Variants in FGGY observed in about 807,000 individuals in gnomAD.
FGGY encodes the protein FGGY carbohydrate kinase domain containing.
Under a neutral mutation model 71.3 loss-of-function variants are expected in FGGY, and 72 were observed. That is an observed-to-expected ratio of 1.01 (90% confidence interval 0.84 to 1.23). FGGY has a LOEUF of 1.23. Among genes scored for constraint, FGGY ranks in the 50% most tolerant of loss-of-function variants. The pLI is 0.00. For synonymous variants in FGGY, 251 were observed against 250.3 expected, an observed-to-expected ratio of 1.00 and a Z score of -0.02; for missense variants, 668 against 682.3, an observed-to-expected ratio of 0.98 and a Z score of 0.23.
At chr1:59,432,876 G>C (rs920766292) in intron 5 of FGGY, among the ~76,000 whole-genome samples, 8 of 152,136 alleles carry the variant, frequency 5.3e-5, no homozygotes, top group Non-Finnish European at 1.2e-4. Context: ...ATAAGTAAAC[G>C]GCAAAGCTAT....
At chr1:59,675,920 TG>T (rs2097431060) in intron 14 of FGGY, among the ~76,000 whole-genome samples, 1 of 152,122 alleles carries the variant, frequency 6.6e-6, no homozygotes, top group African/African-American at 2.4e-5. Flanking sequence ...GAGCCTAGTC[TG>T]ATGGGTTATG....
intron 1 of FGGY, among the ~76,000 whole-genome samples, chr1:59,306,528 C>G (rs570378550): frequency 1.2e-4 from 18 of 152,296 alleles, no homozygotes; most frequent in African/African-American, 3.6e-4. Flanking sequence ...TGTGGAGAAG[C>G]CTGCCTGGAG....
At chr1:59,431,713 C>T (rs532519585) in intron 5 of FGGY, among the ~76,000 whole-genome samples, 4 of 152,258 alleles carry the variant, frequency 2.6e-5, no homozygotes, top group African/African-American at 7.2e-5. Context: ...ACACCTTCTC[C>T]CTTTTGGTGC....
chr1:59,586,794 T>G (rs533839436), intron 8 of FGGY, among the ~76,000 whole-genome samples: 10 of 151,938 alleles, frequency 6.6e-5, no homozygotes, highest in African/African-American at 1.9e-4. Context: ...CTTAGAGAAA[T>G]GCATTTGAGG....
At chr1:59,724,857 T>C (rs1339742858) in intron 14 of FGGY, among the ~76,000 whole-genome samples, 2 of 152,232 alleles carry the variant, frequency 1.3e-5, no homozygotes, top group African/African-American at 2.4e-5. Flanking sequence ...TTTTAAGAGT[T>C]CTTTGTATAT....
chr1:59,383,634 T>C (rs910792419), intron 5 of FGGY, among the ~76,000 whole-genome samples: 5 of 152,294 alleles, frequency 3.3e-5, no homozygotes, highest in African/African-American at 9.6e-5. Context: ...ATGTTTACAG[T>C]CTATTCTCTC....
At chr1:59,592,748 A>T (rs1184015691) in intron 8 of FGGY, among the ~76,000 whole-genome samples, 5 of 145,594 alleles carry the variant, frequency 3.4e-5, no homozygotes, top group Non-Finnish European at 7.4e-5. Flanking sequence ...GAATACATGG[A>T]CACAGGAAGG....
At chr1:59,703,029 T>C (rs2097723008) in intron 14 of FGGY, among the ~76,000 whole-genome samples, 1 of 152,222 alleles carries the variant, frequency 6.6e-6, no homozygotes. Flanking sequence ...ATTTGGCTAT[T>C]CCTGATGTTG....
chr1:59,404,112 G>A, intron 5 of FGGY, among the ~76,000 whole-genome samples: 1 of 152,166 alleles, frequency 6.6e-6, no homozygotes, highest in East Asian at 1.9e-4. Context: ...AGTTTGATAA[G>A]TGTTGTTTGA....
rs552840850 is a variant in FGGY at position 59,563,581 on chromosome 1, G to A, written c.903+9354G>A. Reference sequence around the variant, plus strand: ...GAAAAACATTCCATGCTCATGGATAGGAAGAATCAATATCGTGAAAATGGC... The same window carrying A: ...GAAAAACATTCCATGCTCATGGATAAGAAGAATCAATATCGTGAAAATGGC... On this transcript the variant is annotated intron_variant, in intron 8 of 15. Transcript: ENST00000303721. Among the ~76,000 whole-genome samples the A allele has an allele frequency of 7.6e-4, 115 of 152,286 alleles. 1 individual carries two copies. The highest frequency in any genetic ancestry group is 5.9e-4 in the Admixed American group (9 of 15,300).
intron 7 of FGGY, among the ~76,000 whole-genome samples, chr1:59,532,881 A>T (rs1253583211): frequency 6.6e-6 from 1 of 152,230 alleles, no homozygotes; most frequent in Non-Finnish European, 1.5e-5. Flanking sequence ...GAATCTATAG[A>T]TAAAATATTA....
chr1:59,724,482 T>C (rs571507645), intron 14 of FGGY, among the ~76,000 whole-genome samples: 1 of 148,134 alleles, frequency 6.8e-6, no homozygotes, highest in Non-Finnish European at 1.5e-5. Flanking sequence ...AGACTCCATC[T>C]CAAAAAAAAA....
intron 1 of FGGY, among the ~76,000 whole-genome samples, chr1:59,310,537 G>A (rs114395808): frequency 0.013 from 2,008 of 152,292 alleles, 16 homozygotes; most frequent in Non-Finnish European, 0.018. Flanking sequence ...TTTAGAATTA[G>A]GAAATGACTC....
intron 4 of FGGY, among the ~76,000 whole-genome samples, chr1:59,370,351 A>G (rs1185968377): frequency 2.0e-5 from 3 of 152,174 alleles, no homozygotes; most frequent in Non-Finnish European, 4.4e-5. Context: ...AGGGAAGTTT[A>G]GAGAAAAAAG....
At chr1:59,355,053 A>G (rs1323931577) in intron 4 of FGGY, among the ~76,000 whole-genome samples, 1 of 152,218 alleles carries the variant, frequency 6.6e-6, no homozygotes, top group African/African-American at 2.4e-5. Flanking sequence ...TGCAGCCTTG[A>G]GGCCAGGGGC....
At chr1:59,317,809 G>T (rs1045445014) in intron 1 of FGGY, among the ~76,000 whole-genome samples, 2 of 152,212 alleles carry the variant, frequency 1.3e-5, no homozygotes, top group Non-Finnish European at 2.9e-5. Flanking sequence ...AGAAAAACAT[G>T]AACTGGGTGA....
intron 7 of FGGY, among the ~76,000 whole-genome samples, chr1:59,534,350 T>A (rs1252475566): frequency 6.6e-6 from 1 of 152,110 alleles, no homozygotes; most frequent in Non-Finnish European, 1.5e-5. Context: ...CAAATCTACG[T>A]CTGATTGGTG....
At chr1:59,476,928 A>T (rs1249636523) in intron 6 of FGGY, among the ~76,000 whole-genome samples, 1 of 152,228 alleles carries the variant, frequency 6.6e-6, no homozygotes, top group Non-Finnish European at 1.5e-5. Context: ...CTGAAATTCT[A>T]GGAGAAGAAT....
At chr1:59,413,412 T>C (rs1336056517) in intron 5 of FGGY, among the ~76,000 whole-genome samples, 3 of 152,050 alleles carry the variant, frequency 2.0e-5, no homozygotes, top group Non-Finnish European at 4.4e-5. Context: ...GATATATGAA[T>C]TGAAATAAAT....
Sources: gnomAD v4.1 joint callset for allele counts (sites outside exome capture counted in the v4.1 genomes callset) on GRCh38, gnomAD v4.1.1 for gene constraint, MANE v1.5 for transcripts, NCBI Gene and HGNC (gene_info 2026-07-23, HGNC 2026-07-21) for gene names.